Variants in UNC13C observed in about 807,000 individuals in gnomAD.
The protein encoded by UNC13C is unc-13 homolog C.
UNC13C carries 174 observed loss-of-function variants against 245.4 expected under a neutral mutation model. The observed-to-expected ratio is 0.71, with a 90% CI of 0.63 to 0.80. The LOEUF is 0.80. Ranked by LOEUF, UNC13C falls within the 30% of genes least tolerant of loss-of-function variation. UNC13C has a pLI of 0.00. For missense variants in UNC13C, 2,829 were observed against 2,602.9 expected, an observed-to-expected ratio of 1.09 and a Z score of -1.89; for synonymous variants, 992 against 895.1, an observed-to-expected ratio of 1.11 and a Z score of -1.93.
chr15:54,246,411 A>ATT (rs1555437086), intron 7 of UNC13C, among the ~76,000 whole-genome samples: 1 of 31,112 alleles, frequency 3.2e-5, no homozygotes, highest in African/African-American at 9.2e-5. Flanking sequence ...TGTGAAAATA[A>ATT]TGTTTTTTTT....
At chr15:54,126,753 A>G (rs377294554) in intron 2 of UNC13C, among the ~76,000 whole-genome samples, 3 of 152,180 alleles carry the variant, frequency 2.0e-5, no homozygotes, top group African/African-American at 7.2e-5. Flanking sequence ...AAAAGAAACT[A>G]TCTTCAGAGT....
intron 4 of UNC13C, among the ~76,000 whole-genome samples, chr15:54,175,170 T>TA (rs1275360568): frequency 6.6e-6 from 1 of 152,152 alleles, no homozygotes; most frequent in Non-Finnish European, 1.5e-5. Flanking sequence ...GAAACTAACT[T>TA]ACCATGGAAA....
At chr15:54,460,088 G>T (rs1274247204) in intron 19 of UNC13C, among the ~76,000 whole-genome samples, 1 of 152,208 alleles carries the variant, frequency 6.6e-6, no homozygotes, top group Non-Finnish European at 1.5e-5. Context: ...CCCATTGGGT[G>T]ATCCCTTGAT....
At chr15:54,374,388 C>T (rs557031342) in intron 17 of UNC13C, among the ~76,000 whole-genome samples, 47 of 152,244 alleles carry the variant, frequency 3.1e-4, no homozygotes, top group Middle Eastern at 3.4e-3. Flanking sequence ...CAGTAACCCC[C>T]ACCCCGGCCT....
At chr15:54,541,110 C>T (rs1272811407) in intron 26 of UNC13C, among the ~76,000 whole-genome samples, 2 of 152,004 alleles carry the variant, frequency 1.3e-5, no homozygotes, top group Non-Finnish European at 2.9e-5. Context: ...CAGGGGTCCC[C>T]AACCTTCCTC....
chr15:54,442,557 A>G (rs1412364516), intron 19 of UNC13C, among the ~76,000 whole-genome samples: 1 of 152,006 alleles, frequency 6.6e-6, no homozygotes, highest in African/African-American at 2.4e-5. Flanking sequence ...AGACTTCCTC[A>G]CCCAGTATGA....
chr15:53,972,116 A>C, the UNC13C span, among the ~76,000 whole-genome samples: 8,332 of 152,248 alleles, frequency 0.055, 428 homozygotes, highest in African/African-American at 0.13. Context: ...ATAGAGATTG[A>C]CAAAGTAACC....
the UNC13C span, chr15:53,911,993 G>T: frequency 6.6e-6 from 1 of 152,258 alleles, no homozygotes; most frequent in Non-Finnish European, 1.5e-5. Flanking sequence ...GCGGGACCTG[G>T]GAGTCCACGC....
chr15:54,304,252 G>A (rs531602947), intron 13 of UNC13C, among the ~76,000 whole-genome samples: 2 of 151,906 alleles, frequency 1.3e-5, no homozygotes, highest in Non-Finnish European at 2.9e-5. Flanking sequence ...AGGGCATGAG[G>A]GCCATAGATT....
At chr15:53,910,256 C>T in the UNC13C span, among the ~76,000 whole-genome samples, 1 of 145,506 alleles carries the variant, frequency 6.9e-6, no homozygotes, top group Non-Finnish European at 1.5e-5. Context: ...TGTCACTTAA[C>T]CCCCAGGAGG....
At chr15:53,938,931 A>G in the UNC13C span, among the ~76,000 whole-genome samples, 1 of 152,184 alleles carries the variant, frequency 6.6e-6, no homozygotes, top group Non-Finnish European at 1.5e-5. Flanking sequence ...CTAACATCTC[A>G]GCTAAAAGAA....
intron 13 of UNC13C, among the ~76,000 whole-genome samples, chr15:54,312,740 T>C (rs1369539496): frequency 6.6e-6 from 1 of 151,674 alleles, no homozygotes; most frequent in African/African-American, 2.4e-5. Flanking sequence ...TAGGGAGGGA[T>C]TGATAGCCTT....
the UNC13C span, among the ~76,000 whole-genome samples, chr15:53,925,935 C>T: frequency 6.6e-6 from 1 of 152,120 alleles, no homozygotes; most frequent in Non-Finnish European, 1.5e-5. Context: ...TATCTGACTC[C>T]AAGAACTTTG....
chr15:54,094,733 T>A (rs7170075), intron 2 of UNC13C, among the ~76,000 whole-genome samples: 34,894 of 152,004 alleles, frequency 0.23, 4,304 homozygotes, highest in East Asian at 0.36. Context: ...CAAAAATCTA[T>A]TAAAGTTTTG....
intron 24 of UNC13C, among the ~76,000 whole-genome samples, chr15:54,514,408 T>C (rs1894878019): frequency 6.6e-6 from 1 of 152,208 alleles, no homozygotes; most frequent in African/African-American, 2.4e-5. Context: ...ATAAGGGAAA[T>C]ATTCCAGGCT....
chr15:53,895,872 C>T, the UNC13C span, among the ~76,000 whole-genome samples: 1 of 151,974 alleles, frequency 6.6e-6, no homozygotes, highest in African/African-American at 2.4e-5. Context: ...ATGTCTTTAA[C>T]AAAGATCGGT....
intron 30 of UNC13C, among the ~76,000 whole-genome samples, chr15:54,608,524 AT>A (rs1381150906): frequency 6.6e-6 from 1 of 152,176 alleles, no homozygotes; most frequent in Non-Finnish European, 1.5e-5. Flanking sequence ...TGATGCACTC[AT>A]TTTTATTTTT....
chr15:54,192,636 A>G (rs550771773), intron 4 of UNC13C, among the ~76,000 whole-genome samples: 5 of 152,262 alleles, frequency 3.3e-5, no homozygotes, highest in Middle Eastern at 3.4e-3. Flanking sequence ...TGTTCAGGAC[A>G]TATCTTTTTC....
chr15:53,993,012 A>C (rs770072615), intron 1 of UNC13C, among the ~76,000 whole-genome samples: 10 of 152,036 alleles, frequency 6.6e-5, no homozygotes, highest in Non-Finnish European at 1.5e-4. Context: ...GCTATAATAC[A>C]CCACGGACTA....
Sources: gnomAD v4.1 joint callset for allele counts (sites outside exome capture counted in the v4.1 genomes callset) on GRCh38, gnomAD v4.1.1 for gene constraint, MANE v1.5 for transcripts, NCBI Gene and HGNC (gene_info 2026-07-23, HGNC 2026-07-21) for gene names.